The following TSPAN9 variants were observed in gnomAD, a reference collection of about 807,000 sequenced individuals.
The protein encoded by TSPAN9 is tetraspanin-9.
Under a neutral mutation model 31.0 loss-of-function variants are expected in TSPAN9, and 16 were observed. The observed-to-expected ratio is 0.52, with a 90% CI of 0.35 to 0.78. The LOEUF is 0.78. TSPAN9 is among the 30% of genes least tolerant of loss of function. The pLI, the probability that TSPAN9 is intolerant of heterozygous loss-of-function variation, is 0.01. For missense variants in TSPAN9, 272 were observed against 312.5 expected, an observed-to-expected ratio of 0.87 and a Z score of 0.98; for synonymous variants, 145 against 121.6, an observed-to-expected ratio of 1.19 and a Z score of -1.27.
chr12:3,175,110 G>A (rs2098354772), intron 2 of TSPAN9, among the ~76,000 whole-genome samples: 1 of 129,360 alleles, frequency 7.7e-6, no homozygotes, highest in African/African-American at 2.5e-5. Flanking sequence ...GACCCCTGCA[G>A]GGCGAGGCTG....
chr12:3,185,609 C>T (rs1372247610), intron 2 of TSPAN9, among the ~76,000 whole-genome samples: 1 of 152,200 alleles, frequency 6.6e-6, no homozygotes. Context: ...CCTACCTCCA[C>T]CCCGGCTGCC....
intron 2 of TSPAN9, among the ~76,000 whole-genome samples, chr12:3,141,835 CT>C (rs539109382): frequency 1.2e-3 from 190 of 152,324 alleles, no homozygotes; most frequent in African/African-American, 3.9e-3. Flanking sequence ...TGCTTTTCCC[CT>C]TTGCAGGAAT....
rs187229519 is a variant in TSPAN9, at chr12:3,233,486, A to G, written c.63+32230A>G. Among the ~76,000 whole-genome samples the G allele has an allele frequency of 4.6e-5, 7 of 152,284 alleles. No individual in the cohort carries two copies. The East Asian group carries it at 1.4e-3, about 29-fold the overall frequency. On this transcript the variant is annotated intron_variant, in intron 3 of 8. Coordinates refer to ENST00000011898, the MANE Select transcript of TSPAN9 (RefSeq NM_006675.5). ...TGCCCCTCAGATGTTTCCCTAAACG[A>G]TGCATTCTATAGTTGCATGTGCTTC...
intron 2 of TSPAN9, among the ~76,000 whole-genome samples, chr12:3,109,087 C>T (rs1385225946): frequency 6.6e-6 from 1 of 152,058 alleles, no homozygotes; most frequent in Non-Finnish European, 1.5e-5. Context: ...AGGCACTCGC[C>T]ACCACGCCCG....
intron 2 of TSPAN9, among the ~76,000 whole-genome samples, chr12:3,155,573 G>A (rs1465815356): frequency 1.3e-5 from 2 of 150,622 alleles, no homozygotes; most frequent in Non-Finnish European, 3.0e-5. Flanking sequence ...TGGCCCTGAT[G>A]ACAGAGCAAG....
At chr12:3,270,934 AGCTTT>A (rs1195856670) in intron 3 of TSPAN9, among the ~76,000 whole-genome samples, 1 of 152,214 alleles carries the variant, frequency 6.6e-6, no homozygotes, top group East Asian at 1.9e-4. Flanking sequence ...ATAATTCAGG[AGCTTT>A]ATAACTGCAG....
intron 3 of TSPAN9, among the ~76,000 whole-genome samples, chr12:3,252,567 C>A (rs1862264964): frequency 6.6e-6 from 1 of 152,248 alleles, no homozygotes; most frequent in Admixed American, 6.5e-5. Context: ...TGCGGGGAGC[C>A]TGCCGCTAGC....
chr12:3,166,929 T>G (rs2098348741), intron 2 of TSPAN9, among the ~76,000 whole-genome samples: 3 of 152,198 alleles, frequency 2.0e-5, no homozygotes, highest in Non-Finnish European at 4.4e-5. Flanking sequence ...CCTGACTAGC[T>G]GGGATTACAG....
Position 3,284,377 on chromosome 12 carries a change from C to T in TSPAN9, c.*1261C>T, listed in dbSNP as rs1318150036. ...CCTTGCTCAGCTGTGGGTTGCCCTG[C>T]TGGGAAGGAGGGAATCACGTCCACC... On this transcript the variant is annotated 3_prime_UTR_variant, in exon 9 of 9. Coordinates refer to ENST00000011898, the MANE Select transcript of TSPAN9 (RefSeq NM_006675.5). 1 of 152,286 alleles carries T rather than the reference C, an allele frequency of 6.6e-6. No individual in the cohort carries two copies. The highest frequency in any genetic ancestry group is 2.4e-5 in the African/African-American group (1 of 41,432). The allele number at this position is 152,286 out of a possible 1,614,324, so 9.4% of individuals were successfully genotyped here.
At chr12:3,122,235 G>A (rs1466838673) in intron 2 of TSPAN9, among the ~76,000 whole-genome samples, 1 of 151,896 alleles carries the variant, frequency 6.6e-6, no homozygotes, top group Non-Finnish European at 1.5e-5. Flanking sequence ...TCAGGAGGCT[G>A]AGGCAGGAGA....
chr12:3,217,638 G>A (rs7307662), intron 3 of TSPAN9, among the ~76,000 whole-genome samples: 17,617 of 152,166 alleles, frequency 0.12, 1,133 homozygotes, highest in Middle Eastern at 0.16. Context: ...TTTGGGAGGG[G>A]GAGAAGATGA....
intron 3 of TSPAN9, among the ~76,000 whole-genome samples, chr12:3,224,178 G>A (rs1312702330): frequency 1.3e-5 from 2 of 152,128 alleles, no homozygotes; most frequent in Non-Finnish European, 2.9e-5. Context: ...TCCTTCTTTT[G>A]TTAGCTGAGA....
At chr12:3,277,873 T>C (rs1862818797) in intron 3 of TSPAN9, among the ~76,000 whole-genome samples, 1 of 152,192 alleles carries the variant, frequency 6.6e-6, no homozygotes, top group African/African-American at 2.4e-5. Flanking sequence ...CTGTGGGAAA[T>C]TGTTCTTCAG....
intron 2 of TSPAN9, among the ~76,000 whole-genome samples, chr12:3,126,309 T>A: frequency 6.6e-6 from 1 of 152,120 alleles, no homozygotes; most frequent in Admixed American, 6.5e-5. Context: ...AACATCAGAG[T>A]GCACTTACAC....
At chr12:3,223,730 A>G (rs569592541) in intron 3 of TSPAN9, among the ~76,000 whole-genome samples, 3 of 152,286 alleles carry the variant, frequency 2.0e-5, no homozygotes, top group South Asian at 2.1e-4. Flanking sequence ...TGAGCGAGAG[A>G]CCGGGACTAC....
At chr12:3,082,077 A>T (rs1265640018) in intron 1 of TSPAN9, among the ~76,000 whole-genome samples, 1 of 152,190 alleles carries the variant, frequency 6.6e-6, no homozygotes. Flanking sequence ...GGGGCTTATA[A>T]GCCAGTAAAG....
At position 3,143,909 on chromosome 12, in the gene TSPAN9, G is replaced by A. The variant is rs1432069257; in HGVS notation, c.-17-57268G>A. 6.6e-6 allele frequency among the ~76,000 whole-genome samples: 1 copy of A among 152,150 alleles called. No individual in the cohort carries two copies. The highest frequency in any genetic ancestry group is 1.5e-5 in the Non-Finnish European group (1 of 68,012). On this transcript the variant is annotated intron_variant, in intron 2 of 8. Transcript: ENST00000011898. This position sits in a 1 kb window ranked among gnomAD's most constrained non-coding sequence, Gnocchi z 4.2. ...CTGGAGCATGGTGTTTAGAAACCAA[G>A]ATCTAGGTGCTAGGTGCGTTCATTG...
chr12:3,117,215 G>GT (rs2098322845), intron 2 of TSPAN9, among the ~76,000 whole-genome samples: 1 of 152,144 alleles, frequency 6.6e-6, no homozygotes, highest in African/African-American at 2.4e-5. Context: ...TTCCTGATGG[G>GT]TGTTGCAAGG....
At chr12:3,128,672 T>C (rs1010230928) in intron 2 of TSPAN9, among the ~76,000 whole-genome samples, 3 of 152,202 alleles carry the variant, frequency 2.0e-5, no homozygotes, top group African/African-American at 7.2e-5. Context: ...CGAGGCTGCC[T>C]GGGTAACCAC....
Sources: gnomAD v4.1 joint callset for allele counts (sites outside exome capture counted in the v4.1 genomes callset) on GRCh38, gnomAD v4.1.1 for gene constraint, Gnocchi (gnomAD v3.1) non-coding constraint, MANE v1.5 for transcripts, NCBI Gene and HGNC (gene_info 2026-07-23, HGNC 2026-07-21) for gene names.